The following BCKDHB variants were observed in gnomAD, a reference collection of about 807,000 sequenced individuals.
BCKDHB encodes the protein 2-oxoisovalerate dehydrogenase subunit beta, mitochondrial.
Under a neutral mutation model 48.5 loss-of-function variants are expected in BCKDHB, and 41 were observed. That is an observed-to-expected ratio of 0.85 (90% CI 0.66 to 1.10). BCKDHB has a LOEUF of 1.10. Ranked by LOEUF, BCKDHB falls within the 50% of genes least tolerant of loss-of-function variation. The pLI, the probability that BCKDHB is intolerant of heterozygous loss-of-function variation, is 0.00. For missense variants in BCKDHB, 496 were observed against 494.2 expected (o/e 1.00, Z -0.03); for synonymous variants, 201 against 174.8 (o/e 1.15, Z -1.18).
At chr6:80,458,174 A>C in the BCKDHB span, among the ~76,000 whole-genome samples, 3 of 152,180 alleles carry the variant, frequency 2.0e-5, no homozygotes, top group African/African-American at 7.2e-5. Flanking sequence ...AGGAAGGACT[A>C]TTTTGCCAGT....
chr6:80,385,217 A>G, the BCKDHB span, among the ~76,000 whole-genome samples: 1 of 152,182 alleles, frequency 6.6e-6, no homozygotes. Flanking sequence ...GCAGATACTG[A>G]ACATCAAATC....
chr6:80,465,375 C>T, the BCKDHB span, among the ~76,000 whole-genome samples: 5 of 152,342 alleles, frequency 3.3e-5, no homozygotes, highest in South Asian at 1.0e-3. Context: ...TTTTCTGTCA[C>T]AAATCTCACA....
chr6:80,330,050 T>C (rs1403390838), intron 9 of BCKDHB, among the ~76,000 whole-genome samples: 1 of 151,702 alleles, frequency 6.6e-6, no homozygotes, highest in Non-Finnish European at 1.5e-5. Context: ...AATGTGAAGA[T>C]AGCAGGGTGT....
chr6:80,352,695 T>G, the BCKDHB span, among the ~76,000 whole-genome samples: 1 of 152,340 alleles, frequency 6.6e-6, no homozygotes, highest in East Asian at 1.9e-4. Flanking sequence ...GTTTATATAT[T>G]GTGCTCAATT....
intron 9 of BCKDHB, among the ~76,000 whole-genome samples, chr6:80,294,376 C>T: frequency 6.6e-6 from 1 of 151,978 alleles, no homozygotes; most frequent in Admixed American, 6.6e-5. Context: ...TGTGTTTGAA[C>T]AATATGAAAT....
chr6:80,242,223 T>C (rs1010581103), intron 8 of BCKDHB, among the ~76,000 whole-genome samples: 2 of 152,200 alleles, frequency 1.3e-5, no homozygotes, highest in Non-Finnish European at 2.9e-5. Flanking sequence ...TCATACTTGA[T>C]ATATTTAGGG....
At chr6:80,218,072 G>A (rs1775253314) in intron 8 of BCKDHB, among the ~76,000 whole-genome samples, 1 of 152,178 alleles carries the variant, frequency 6.6e-6, no homozygotes, top group Non-Finnish European at 1.5e-5. Flanking sequence ...TTGTTCCTAA[G>A]TGGCATAAAA....
At chr6:80,420,923 G>T in the BCKDHB span, among the ~76,000 whole-genome samples, 4 of 152,190 alleles carry the variant, frequency 2.6e-5, no homozygotes, top group Non-Finnish European at 5.9e-5. Context: ...TTCCTTGGGG[G>T]ATGAGTGACA....
At position 80,344,050 on chromosome 6, in the gene BCKDHB, GACTGCAGTGGTGCAATCTCAGCTC is replaced by G; in HGVS notation, c.*253_*276del. ...GAGTCTCACTCTGTCGCCCAGGCTA[GACTGCAGTGGTGCAATCTCAGCTC>G]ACTGCAACCTCCCCCCTACCCCTGA... On this transcript the variant is annotated 3_prime_UTR_variant, in exon 10 of 10. Coordinates refer to ENST00000320393, the MANE Select transcript of BCKDHB (RefSeq NM_183050.4). 1 of 494,068 alleles carries G rather than the reference GACTGCAGTGGTGCAATCTCAGCTC, an allele frequency of 2.0e-6. No homozygotes were observed. The highest frequency in any genetic ancestry group is 3.7e-6 in the Non-Finnish European group (1 of 272,810). The allele number at this position is 494,068 out of a possible 1,614,324, so 30.6% of individuals were successfully genotyped here.
the BCKDHB span, among the ~76,000 whole-genome samples, chr6:80,464,643 C>T: frequency 4.6e-5 from 7 of 152,290 alleles, no homozygotes; most frequent in Admixed American, 2.0e-4. Flanking sequence ...GCCCTTTATT[C>T]CTCACACTTC....
chr6:80,195,341 G>T (rs1290239661), intron 6 of BCKDHB, among the ~76,000 whole-genome samples: 1 of 152,056 alleles, frequency 6.6e-6, no homozygotes, highest in African/African-American at 2.4e-5. Flanking sequence ...AGAAGAAAGT[G>T]CACTTAGTTT....
the BCKDHB span, among the ~76,000 whole-genome samples, chr6:80,362,366 G>A: frequency 6.6e-6 from 1 of 152,122 alleles, no homozygotes; most frequent in Non-Finnish European, 1.5e-5. Flanking sequence ...CCTCAGAAAG[G>A]GACTGTAGGA....
chr6:80,361,346 A>G, the BCKDHB span, among the ~76,000 whole-genome samples: 1 of 152,184 alleles, frequency 6.6e-6, no homozygotes, highest in South Asian at 2.1e-4. Context: ...TTCCATTGGG[A>G]CAGAGTGTGC....
rs147630394 is a variant in BCKDHB, at chr6:80,189,660, A to G, written c.743-11274A>G. On this transcript the variant is annotated intron_variant, in intron 6 of 9. Coordinates refer to ENST00000320393, the MANE Select transcript of BCKDHB (RefSeq NM_183050.4). ...AAAATATGAAAATTTAGGTCTGCCCATACTTAGAGGCAGATAGGTAGAAAA... is the reference window on the plus strand; with the variant it reads ...AAAATATGAAAATTTAGGTCTGCCCGTACTTAGAGGCAGATAGGTAGAAAA... 1.0e-3 allele frequency among the ~76,000 whole-genome samples: 153 copies of G among 152,308 alleles called. 1 individual carries two copies. Among genetic ancestry groups the G allele is most frequent in the African/African-American group, 3.4e-3 (143 of 41,580 alleles).
chr6:80,437,069 TTAAC>T, the BCKDHB span, among the ~76,000 whole-genome samples: 1 of 152,228 alleles, frequency 6.6e-6, no homozygotes, highest in African/African-American at 2.4e-5. Context: ...ATTATTTTAA[TTAAC>T]TTAGTGTTTA....
chr6:80,385,898 G>A, the BCKDHB span, among the ~76,000 whole-genome samples: 5 of 152,192 alleles, frequency 3.3e-5, no homozygotes, highest in East Asian at 1.9e-4. Flanking sequence ...ATTGATTGGG[G>A]CCCACTAAGT....
At chr6:80,438,180 CAG>C in the BCKDHB span, among the ~76,000 whole-genome samples, 1 of 152,232 alleles carries the variant, frequency 6.6e-6, no homozygotes, top group Non-Finnish European at 1.5e-5. Context: ...CTAGGAAACA[CAG>C]TGCATACACA....
At chr6:80,149,744 CA>C (rs1208985347) in intron 3 of BCKDHB, among the ~76,000 whole-genome samples, 1 of 148,514 alleles carries the variant, frequency 6.7e-6, no homozygotes, top group Non-Finnish European at 1.5e-5. Flanking sequence ...AACCAAACAC[CA>C]CATATTCTCA....
chr6:80,264,731 A>G (rs924816140), intron 8 of BCKDHB, among the ~76,000 whole-genome samples: 2 of 152,148 alleles, frequency 1.3e-5, no homozygotes, highest in East Asian at 3.9e-4. Flanking sequence ...GGACATGGTA[A>G]ACAATTGAGA....
Sources: gnomAD v4.1 joint callset for allele counts (sites outside exome capture counted in the v4.1 genomes callset) on GRCh38, gnomAD v4.1.1 for gene constraint, MANE v1.5 for transcripts, NCBI Gene and HGNC (gene_info 2026-07-23, HGNC 2026-07-21) for gene names.